The following TTC39C variants were observed in gnomAD, a reference collection of about 807,000 sequenced individuals.
TTC39C encodes the protein tetratricopeptide repeat domain 39C, also known as tetratricopeptide repeat protein 39C.
In TTC39C, 33 loss-of-function variants were observed where a neutral mutation model predicts 76.3. The observed-to-expected ratio is 0.43, with a 90% CI of 0.33 to 0.58. The LOEUF is 0.58. TTC39C is among the 20% of genes least tolerant of loss of function. The pLI is 0.04. For missense variants in TTC39C, 595 were observed against 701.4 expected, an observed-to-expected ratio of 0.85 and a Z score of 1.71; for synonymous variants, 254 against 260.6, an observed-to-expected ratio of 0.97 and a Z score of 0.24.
chr18:24,113,807 A>G, intron 6 of TTC39C: 1 of 655,862 alleles, frequency 1.5e-6, no homozygotes, highest in Non-Finnish European at 2.8e-6. Context: ...CGGGAAAACG[A>G]AATGTATTTC....
chr18:24,072,516 C>T (rs965288883), intron 4 of TTC39C, among the ~76,000 whole-genome samples: 11 of 152,182 alleles, frequency 7.2e-5, no homozygotes, highest in Non-Finnish European at 1.6e-4. Context: ...AGGCTGGTCT[C>T]GAACTCCTGC....
chr18:24,055,344 T>C (rs1368805377), intron 1 of TTC39C, among the ~76,000 whole-genome samples: 1 of 152,212 alleles, frequency 6.6e-6, no homozygotes, highest in Non-Finnish European at 1.5e-5. Flanking sequence ...CACCTTATAC[T>C]CCCACCAACG....
In TTC39C at chr18:24,114,683, A is replaced by C. The variant is rs370122764; in HGVS notation, c.1078+36A>C. ...AATGTCTGTCCAGCCTCTTGTTAAG[A>C]AGTAGTATTAATGCAGTATTTTAGC... On this transcript the variant is annotated intron_variant, in intron 7 of 13. Transcript: ENST00000317571. 3 of 1,506,326 alleles carry C rather than the reference A, an allele frequency of 2.0e-6. No individual in the cohort carries two copies. The African/African-American group carries it at 4.1e-5, about 21-fold the overall frequency. 93.3% of individuals were successfully genotyped at this position (1,506,326 alleles called of 1,614,324 possible). A position where few individuals can be genotyped will look rare whatever the true frequency, so the allele number is the denominator to read the frequency against.
At chr18:24,068,828 A>G (rs548328579) in intron 3 of TTC39C, among the ~76,000 whole-genome samples, 1 of 152,296 alleles carries the variant, frequency 6.6e-6, no homozygotes, top group African/African-American at 2.4e-5. Flanking sequence ...AATGATTTTT[A>G]TTCTGGATAA....
chr18:24,099,774 A>G (rs1204400970), intron 6 of TTC39C, among the ~76,000 whole-genome samples: 1 of 151,992 alleles, frequency 6.6e-6, no homozygotes, highest in Non-Finnish European at 1.5e-5. Context: ...TTCCCTTTTG[A>G]AATCAGTTTT....
intron 6 of TTC39C, among the ~76,000 whole-genome samples, chr18:24,085,186 A>G (rs1490666643): frequency 6.6e-6 from 1 of 152,138 alleles, no homozygotes; most frequent in Admixed American, 6.5e-5. Flanking sequence ...GAATTGAGAG[A>G]TTTACCTCGG....
At chr18:24,077,488 C>A (rs1209786507) in intron 4 of TTC39C, among the ~76,000 whole-genome samples, 1 of 152,160 alleles carries the variant, frequency 6.6e-6, no homozygotes, top group Non-Finnish European at 1.5e-5. Context: ...CTGTATGTGA[C>A]CCAATAGAGC....
chr18:24,085,167 T>TA (rs1178582882), intron 6 of TTC39C, among the ~76,000 whole-genome samples: 1 of 152,208 alleles, frequency 6.6e-6, no homozygotes, highest in Non-Finnish European at 1.5e-5. Context: ...CATTGACGAA[T>TA]AAAGTGTAGA....
intron 6 of TTC39C, among the ~76,000 whole-genome samples, chr18:24,097,625 T>C (rs1339603337): frequency 6.6e-6 from 1 of 152,244 alleles, no homozygotes; most frequent in Non-Finnish European, 1.5e-5. Flanking sequence ...TAATATTTTC[T>C]TTGCAAATCT....
At chr18:24,046,786 C>T (rs2083891162) in intron 1 of TTC39C, among the ~76,000 whole-genome samples, 2 of 151,696 alleles carry the variant, frequency 1.3e-5, no homozygotes, top group Admixed American at 1.3e-4. Context: ...AGATTTGCAC[C>T]AATTTTCATT....
chr18:24,002,515 G>C (rs1159845394), intron 1 of TTC39C, among the ~76,000 whole-genome samples: 1 of 152,192 alleles, frequency 6.6e-6, no homozygotes, highest in Non-Finnish European at 1.5e-5. Flanking sequence ...AGTCTTGAAT[G>C]CCCAGAGTGA....
chr18:24,109,792 G>T (rs2084789092), intron 6 of TTC39C, among the ~76,000 whole-genome samples: 1 of 152,028 alleles, frequency 6.6e-6, no homozygotes, highest in Admixed American at 6.6e-5. Flanking sequence ...ATCACTTGAG[G>T]TCGGGAGCTC....
intron 1 of TTC39C, among the ~76,000 whole-genome samples, chr18:24,001,958 T>G (rs1196564894): frequency 6.6e-6 from 1 of 151,826 alleles, no homozygotes; most frequent in African/African-American, 2.4e-5. Flanking sequence ...CCCGAGTAGC[T>G]GGGACTACAG....
intron 1 of TTC39C, among the ~76,000 whole-genome samples, chr18:24,044,161 C>T (rs370729516): frequency 6.6e-5 from 10 of 151,874 alleles, no homozygotes; most frequent in South Asian, 2.1e-4. Flanking sequence ...GTACACAGCA[C>T]GGGGGCAGGT....
intron 1 of TTC39C, among the ~76,000 whole-genome samples, chr18:24,023,300 C>A (rs575715555): frequency 3.3e-5 from 5 of 152,048 alleles, no homozygotes; most frequent in African/African-American, 1.2e-4. Context: ...TGCCTGGCCC[C>A]GTCGCTGCCT....
At chr18:24,001,823 GTTTTTTTT>G (rs750295981) in intron 1 of TTC39C, among the ~76,000 whole-genome samples, 174 of 57,506 alleles carry the variant, frequency 3.0e-3, no homozygotes, top group African/African-American at 7.5e-3. Context: ...CGGTAATTCT[GTTTTTTTT>G]TTTTTTTTTT....
intron 4 of TTC39C, among the ~76,000 whole-genome samples, chr18:24,075,045 G>T (rs1403420964): frequency 6.6e-6 from 1 of 151,870 alleles, no homozygotes; most frequent in East Asian, 1.9e-4. Context: ...GCAAACTATT[G>T]TAAGGACAGA....
intron 1 of TTC39C, among the ~76,000 whole-genome samples, chr18:24,033,214 C>G (rs1054838043): frequency 6.6e-6 from 1 of 152,230 alleles, no homozygotes; most frequent in Non-Finnish European, 1.5e-5. Context: ...GATCATGCCA[C>G]TGTACTCTAG....
At chr18:24,120,800 T>A (rs2084957516) in intron 8 of TTC39C, among the ~76,000 whole-genome samples, 1 of 152,236 alleles carries the variant, frequency 6.6e-6, no homozygotes, top group African/African-American at 2.4e-5. Flanking sequence ...TTTGTCCTTT[T>A]GTGTCTGGCT....
Sources: allele counts gnomAD v4.1 joint callset (sites outside exome capture counted in the v4.1 genomes callset), GRCh38; gene constraint gnomAD v4.1.1; transcripts MANE v1.5; gene names NCBI Gene and HGNC (gene_info 2026-07-23, HGNC 2026-07-21).